EXOC3: variants seen among roughly 807,000 people sequenced by gnomAD.
EXOC3 encodes the protein SEC6-like 1.
EXOC3 carries 21 observed loss-of-function variants against 73.7 expected under a neutral mutation model. The ratio of observed to expected loss-of-function variants is 0.29; its 90% CI spans 0.20 to 0.41. The LOEUF (loss-of-function observed/expected upper bound fraction) is 0.41, where lower values mean the gene tolerates loss of function less well. EXOC3 is among the 10% of genes least tolerant of loss of function. The pLI, the probability that EXOC3 is intolerant of heterozygous loss-of-function variation, is 1.00. For missense variants in EXOC3, 842 were observed against 985.1 expected (o/e 0.85, Z 1.95); for synonymous variants, 410 against 389.1 (o/e 1.05, Z -0.63).
Position 453,906 on chromosome 5 carries a change from T to A in EXOC3, c.901T>A (p.Phe301Ile), listed in dbSNP as rs1579737323. 6.2e-7 allele frequency: 1 copy of A among 1,613,984 alleles called. No homozygotes were observed. Among genetic ancestry groups the A allele is most frequent in the East Asian group, 2.2e-5 (1 of 44,888 alleles). Residue 301 changes from phenylalanine to isoleucine, a missense_variant, in exon 4 of 13, where the codon TTT becomes ATT. Physicochemically the swap from Phe to Ile is conservative, Grantham distance 21. Transcript: ENST00000512944. ...IVAKNLMVQC[F>I]PPHYEIFKNL... ...CGCCAAAAACCTGATGGTTCAGTGC[T>A]TTCCTCCCCACTATGAGATCTTTAA...
At chr5:462,860 C>T (rs1334689929) in intron 9 of EXOC3, among the ~76,000 whole-genome samples, 1 of 152,200 alleles carries the variant, frequency 6.6e-6, no homozygotes, top group Non-Finnish European at 1.5e-5. Flanking sequence ...AATCCCAGCA[C>T]TTTGGGAGGC....
chr5:460,761 G>T (rs905299240), intron 7 of EXOC3, among the ~76,000 whole-genome samples: 7 of 152,202 alleles, frequency 4.6e-5, no homozygotes, highest in Non-Finnish European at 8.8e-5. Flanking sequence ...ATCTTGGCCT[G>T]AGTTTGTTTC....
chr5:464,585 T>TG (rs998735097), intron 10 of EXOC3, 173 bp downstream of exon 10: 25 of 624,634 alleles, frequency 4.0e-5, no homozygotes, highest in Non-Finnish European at 5.8e-5. Flanking sequence ...GACGGGGCTC[T>TG]GGTGAGAATG....
At chr5:450,770 T>C (rs1737639459) in intron 3 of EXOC3, among the ~76,000 whole-genome samples, 1 of 152,022 alleles carries the variant, frequency 6.6e-6, no homozygotes, top group Non-Finnish European at 1.5e-5. Flanking sequence ...TATTAATACA[T>C]ATGGCCTTCT....
chr5:466,759 G>T lies in EXOC3; in HGVS notation c.2099G>T (p.Arg700Leu). 1.2e-6 allele frequency: 2 copies of T among 1,613,162 alleles called. No individual in the cohort carries two copies. The highest frequency in any genetic ancestry group is 1.7e-6 in the Non-Finnish European group (2 of 1,179,800). Reference sequence around the variant, plus strand: ...CACATCGGTGCGCTGCTGGCTGTGCGTGGGGACGCCAGCCGTGACATGAAG... The same window carrying T: ...CACATCGGTGCGCTGCTGGCTGTGCTTGGGGACGCCAGCCGTGACATGAAG... ...DDHIGALLAV[R>L]GDASRDMKQT... The change falls in exon 13 of 13, where the codon CGT (arginine) becomes CTT (leucine). Residue 700 changes from arginine to leucine, a missense_variant. Coordinates refer to ENST00000512944, the MANE Select transcript of EXOC3 (RefSeq NM_007277.5).
intron 9 of EXOC3, chr5:462,544 C>T (rs1738022015): frequency 3.8e-6 from 2 of 528,812 alleles, no homozygotes; most frequent in Admixed American, 3.4e-5. Flanking sequence ...GTATTAAAGA[C>T]ATCAGACAAT....
chr5:443,814 C>A (rs964099849), intron 1 of EXOC3, among the ~76,000 whole-genome samples: 1 of 151,774 alleles, frequency 6.6e-6, no homozygotes, highest in Non-Finnish European at 1.5e-5. Context: ...GTGTCCCCCC[C>A]CAGGCGCAGT....
Position 443,237 on chromosome 5 carries a change from GC to G in EXOC3, c.-109del, listed in dbSNP as rs1366610195. 1,313 of 5,814 alleles carry G rather than the reference GC, an allele frequency of 0.23. 16 individuals are homozygous for G. The highest frequency in any genetic ancestry group is 0.4 in the African/African-American group (338 of 840). The allele number at this position is 5,814 out of a possible 1,614,324, so 0.4% of individuals were successfully genotyped here. On this transcript the variant is annotated 5_prime_UTR_variant, in exon 1 of 13. Transcript: ENST00000512944. ...GGCGGAGGGGGCGGCGGGGGCGGCG[GC>G]GGCGGCGGCGGCGGCGGCGGCGGCG... is the stretch of plus-strand genomic sequence containing the variant.
Position 453,486 on chromosome 5 carries a change from C to T in EXOC3, c.481C>T (p.Arg161Cys), listed in dbSNP as rs1385809761. Reference sequence around the variant, plus strand: ...GGACGGGCTGATGTACGAGCAGTACCGCATGGACAGTGGGAACACGCGTGA... The same window carrying T: ...GGACGGGCTGATGTACGAGCAGTACTGCATGGACAGTGGGAACACGCGTGA... ...SRDGLMYEQY[R>C]MDSGNTRDMT... is the part of the protein sequence containing the mutation. Residue 161 changes from arginine (R) to cysteine (C), a missense_variant, in exon 4 of 13, where the codon CGC (arginine) becomes TGC (cysteine). Transcript: ENST00000512944. 8 of 1,613,758 alleles carry T rather than the reference C, an allele frequency of 5.0e-6. No individual in the cohort carries two copies. Among genetic ancestry groups the T allele is most frequent in the Non-Finnish European group, 5.1e-6 (6 of 1,179,852 alleles).
chr5:447,827 G>A (rs977725236), intron 3 of EXOC3, 75 bp downstream of exon 3: 3 of 1,130,828 alleles, frequency 2.7e-6, no homozygotes, highest in South Asian at 3.1e-5. Context: ...TCTGTGTGCA[G>A]TGTGCTTTGC....
chr5:465,510 C>G (rs1738120075), intron 11 of EXOC3, among the ~76,000 whole-genome samples: 1 of 152,246 alleles, frequency 6.6e-6, no homozygotes, highest in Non-Finnish European at 1.5e-5. Flanking sequence ...GCTTCCCAGT[C>G]TGTCCTGCGC....
At chr5:448,420 C>A (rs559731852) in intron 3 of EXOC3, among the ~76,000 whole-genome samples, 4 of 152,292 alleles carry the variant, frequency 2.6e-5, no homozygotes, top group African/African-American at 7.2e-5. Context: ...TCATCCCTCC[C>A]CTTGGTCCCC....
chr5:466,686 G>A (rs752704950), intron 12 of EXOC3, 41 bp from the exon 13 acceptor site: 4 of 1,584,212 alleles, frequency 2.5e-6, no homozygotes, highest in South Asian at 1.2e-5. Flanking sequence ...TGCATCACAG[G>A]GCTGCTAAGT....
chr5:448,202 C>T lies in EXOC3; in HGVS notation c.364+450C>T, dbSNP rs142517201. ...AGCAGCTCCCAGGCAGGAGGAGAAG[C>T]GTGTGTGCACAGGCCAGGGCAGAGG... On this transcript the variant is annotated intron_variant, in intron 3 of 12. Transcript: ENST00000512944. 1.8e-3 allele frequency among the ~76,000 whole-genome samples: 268 copies of T among 152,342 alleles called. 1 individual carries two copies. Among genetic ancestry groups the T allele is most frequent in the African/African-American group, 6.2e-3 (259 of 41,572 alleles).
intron 11 of EXOC3, 132 bp downstream of exon 11, chr5:465,404 GT>G (rs1738114597): frequency 1.9e-6 from 2 of 1,079,652 alleles, no homozygotes; most frequent in Non-Finnish European, 1.3e-6. Context: ...CTGGGTCCAG[GT>G]CCTGCCTGAC....
Position 467,031 on chromosome 5 carries a change from A to G in EXOC3, c.*133A>G. The G allele has an allele frequency of 8.7e-6, 8 of 914,594 alleles. No homozygotes were observed. The South Asian group carries it at 1.3e-4, about 15-fold the overall frequency. The allele number at this position is 914,594 out of a possible 1,614,324, so 56.7% of individuals were successfully genotyped here. On this transcript the variant is annotated 3_prime_UTR_variant, in exon 13 of 13. Transcript: ENST00000512944. ...CGGCCTGTCTTTAGGTGCCAGTGTGATGCACCGGGTGTGCGTCGAGTGAGC... is the reference window on the plus strand; with the variant it reads ...CGGCCTGTCTTTAGGTGCCAGTGTGGTGCACCGGGTGTGCGTCGAGTGAGC...
intron 10 of EXOC3, 104 bp downstream of exon 10, chr5:464,516 C>G: frequency 7.7e-7 from 1 of 1,293,432 alleles, no homozygotes; most frequent in South Asian, 1.2e-5. Flanking sequence ...AGTGAACGTT[C>G]ACTTGTTGTC....
chr5:465,304 G>A (rs1047741313), intron 11 of EXOC3, 32 bp downstream of exon 11: 8 of 1,557,992 alleles, frequency 5.1e-6, no homozygotes, highest in South Asian at 2.4e-5. Flanking sequence ...GCTGGAGAAG[G>A]CCTGTCGCTC....
chr5:453,521 C>T lies in EXOC3; in HGVS notation c.516C>T (p.Leu172=). The T allele has an allele frequency of 6.2e-7, 1 of 1,614,000 alleles. No homozygotes were observed. The highest frequency in any genetic ancestry group is 1.1e-5 in the South Asian group (1 of 91,084). Residue 172 remains leucine (L), a synonymous_variant, in exon 4 of 13, where the codon CTC becomes CTT. Transcript: ENST00000512944. The part of the protein sequence containing the change: ...MDSGNTRDMT[L]IHGYFGSTQG... ...GTGGGAACACGCGTGACATGACCCT[C>T]ATCCATGGCTACTTTGGCAGCACGC... is the stretch of plus-strand genomic sequence containing the variant.
Sources: allele counts gnomAD v4.1 joint callset (sites outside exome capture counted in the v4.1 genomes callset), GRCh38; gene constraint gnomAD v4.1.1; transcripts MANE v1.5; gene names NCBI Gene and HGNC (gene_info 2026-07-23, HGNC 2026-07-21).